Variants in MSI2 observed in about 807,000 individuals in gnomAD.
The protein encoded by MSI2 is RNA-binding protein Musashi homolog 2.
Under a neutral mutation model 45.6 loss-of-function variants are expected in MSI2, and 17 were observed. The observed-to-expected ratio is 0.37, with a 90% CI of 0.26 to 0.56. The LOEUF (loss-of-function observed/expected upper bound fraction) is 0.56. Ranked by LOEUF, MSI2 falls within the 20% of genes least tolerant of loss-of-function variation. MSI2 has a pLI of 0.77. For synonymous variants in MSI2, 156 were observed against 158.2 expected (o/e 0.99, Z 0.11); for missense variants, 293 against 444.2 (o/e 0.66, Z 3.06).
At chr17:57,272,156 C>T (rs767038703) in intron 5 of MSI2, among the ~76,000 whole-genome samples, 15 of 152,142 alleles carry the variant, frequency 9.9e-5, no homozygotes, top group Non-Finnish European at 1.9e-4. Context: ...TGCATGCACA[C>T]GTTGTGTTTC....
At chr17:57,435,917 A>G (rs1374235758) in intron 6 of MSI2, among the ~76,000 whole-genome samples, 1 of 152,174 alleles carries the variant, frequency 6.6e-6, no homozygotes, top group Admixed American at 6.5e-5. Flanking sequence ...GATTTGCTCT[A>G]CTATACACAT....
At chr17:57,663,704 CCTT>C (rs755060139) in intron 11 of MSI2, among the ~76,000 whole-genome samples, 4 of 152,168 alleles carry the variant, frequency 2.6e-5, no homozygotes, top group Non-Finnish European at 4.4e-5. Flanking sequence ...TTTGCTGTGT[CCTT>C]CTGTGTTTTC....
At chr17:57,629,948 G>A (rs777232727) in intron 10 of MSI2, 1 of 152,296 alleles carries the variant, frequency 6.6e-6, no homozygotes, top group Non-Finnish European at 1.5e-5. Flanking sequence ...AATTGGGAGA[G>A]GACATCAATG....
chr17:57,574,696 G>A (rs1055728204), intron 7 of MSI2, among the ~76,000 whole-genome samples: 1 of 152,162 alleles, frequency 6.6e-6, no homozygotes, highest in African/African-American at 2.4e-5. Context: ...CTGAGTGTGG[G>A]TTCTGTCCTA....
intron 11 of MSI2, among the ~76,000 whole-genome samples, chr17:57,662,332 G>T (rs1304188446): frequency 6.6e-6 from 1 of 152,092 alleles, no homozygotes; most frequent in Non-Finnish European, 1.5e-5. Flanking sequence ...GTGGTCAATA[G>T]AATGCTAGAG....
At chr17:57,455,317 G>A (rs2085091970) in intron 6 of MSI2, among the ~76,000 whole-genome samples, 1 of 152,164 alleles carries the variant, frequency 6.6e-6, no homozygotes, top group Admixed American at 6.5e-5. Flanking sequence ...AGGGAGCTGT[G>A]GTCACAGTCG....
intron 5 of MSI2, among the ~76,000 whole-genome samples, chr17:57,386,026 C>G (rs2083680316): frequency 6.6e-6 from 1 of 152,116 alleles, no homozygotes; most frequent in African/African-American, 2.4e-5. Context: ...TGGCAGTTGT[C>G]CTAGAATCTA....
intron 5 of MSI2, among the ~76,000 whole-genome samples, chr17:57,289,217 C>G (rs1910188101): frequency 6.6e-6 from 1 of 152,182 alleles, no homozygotes; most frequent in African/African-American, 2.4e-5. Flanking sequence ...GCTGGTCTTC[C>G]CTTTTGGTTA....
chr17:57,287,887 A>T (rs1910066501), intron 5 of MSI2, among the ~76,000 whole-genome samples: 1 of 152,170 alleles, frequency 6.6e-6, no homozygotes, highest in African/African-American at 2.4e-5. Flanking sequence ...GACGAAACAG[A>T]TGTGGTCAGA....
In MSI2 at chr17:57,351,920, A is replaced by G. The variant is rs75966056; in HGVS notation, c.313-49459A>G. On this transcript the variant is annotated intron_variant, in intron 5 of 13. Transcript: ENST00000284073. The stretch of plus-strand genomic sequence containing the variant: ...CACACACAAAGTTTGTGTTCAGTGT[A>G]TACTTGATGGAATGAATGAATGGAT... Among the ~76,000 whole-genome samples, 1,008 of 152,366 alleles carry G rather than the reference A, an allele frequency of 6.6e-3. 14 individuals carry two copies. The highest frequency in any genetic ancestry group is 0.023 in the African/African-American group (941 of 41,580).
At chr17:57,613,928 C>A (rs919352041) in intron 8 of MSI2, among the ~76,000 whole-genome samples, 19 of 152,160 alleles carry the variant, frequency 1.2e-4, no homozygotes, top group African/African-American at 4.6e-4. Context: ...TGACTTATAT[C>A]TTAGGTAATT....
rs114551703 is a variant in MSI2 at position 57,488,387 on chromosome 17, T to C, written c.406-41289T>C. Among the ~76,000 whole-genome samples, 659 of 152,322 alleles carry C rather than the reference T, an allele frequency of 4.3e-3. 7 individuals are homozygous for C. The highest frequency in any genetic ancestry group is 0.015 in the African/African-American group (632 of 41,562). The stretch of plus-strand genomic sequence containing the variant: ...GGTCTTTTTTTCCTACTATATTATG[T>C]ATTTAAATACATAGACATATTTAAC... On this transcript the variant is annotated intron_variant, in intron 6 of 13. Transcript: ENST00000284073.
intron 5 of MSI2, among the ~76,000 whole-genome samples, chr17:57,307,849 A>T (rs1226821103): frequency 6.6e-6 from 1 of 152,158 alleles, no homozygotes. Context: ...GTCTCTGGAG[A>T]GTCCTGACTA....
At chr17:57,406,608 C>A (rs1015023565) in intron 6 of MSI2, among the ~76,000 whole-genome samples, 1 of 152,168 alleles carries the variant, frequency 6.6e-6, no homozygotes, top group Non-Finnish European at 1.5e-5. Context: ...AATTATACTT[C>A]ACATGGTGAA....
intron 5 of MSI2, among the ~76,000 whole-genome samples, chr17:57,321,093 G>C (rs1473871170): frequency 5.3e-5 from 8 of 151,588 alleles, no homozygotes; most frequent in African/African-American, 1.5e-4. Context: ...TTGGCGGTGG[G>C]GGGGATGGAT....
Position 57,529,134 on chromosome 17 carries a change from T to G in MSI2, c.406-542T>G, listed in dbSNP as rs1051965246. Among the ~76,000 whole-genome samples the G allele has an allele frequency of 6.6e-6, 1 of 152,178 alleles. No individual in the cohort carries two copies. Among genetic ancestry groups the G allele is most frequent in the Admixed American group, 6.5e-5 (1 of 15,276 alleles). On this transcript the variant is annotated intron_variant, in intron 6 of 13. Transcript: ENST00000284073. This position sits in a 1 kb window ranked among gnomAD's most constrained non-coding sequence, Gnocchi z 5.3. ...TGAAATAGTCATAGTTTTTTCTTTC[T>G]TTAGAAAAAAAATACTCCAGGCCTG...
Position 57,674,966 on chromosome 17 carries a change from C to T in MSI2, c.791-6C>T, listed in dbSNP as rs758834726. The stretch of plus-strand genomic sequence containing the variant: ...CCGAATTTTGGCGCGCCCGCTTCCC[C>T]GGCAGGCTCCAACCCGGCGCGGCCC... On this transcript the variant is annotated splice_region_variant and splice_polypyrimidine_tract_variant and intron_variant, in intron 11 of 13. Coordinates refer to ENST00000284073, the MANE Select transcript of MSI2 (RefSeq NM_138962.4). 1.7e-5 allele frequency: 28 copies of T among 1,613,038 alleles called. No individual in the cohort carries two copies. Among genetic ancestry groups the T allele is most frequent in the South Asian group, 2.2e-5 (2 of 90,954 alleles).
chr17:57,464,814 C>T (rs569600675), intron 6 of MSI2, among the ~76,000 whole-genome samples: 3 of 152,226 alleles, frequency 2.0e-5, no homozygotes, highest in African/African-American at 4.8e-5. Context: ...GGCCAGAAGA[C>T]GTCTGACCTT....
chr17:57,411,003 T>C (rs2084185583), intron 6 of MSI2, among the ~76,000 whole-genome samples: 1 of 152,194 alleles, frequency 6.6e-6, no homozygotes, highest in Non-Finnish European at 1.5e-5. Context: ...TTATTTATTT[T>C]ATTTTACTTA....
Sources: gnomAD v4.1 joint callset for allele counts (sites outside exome capture counted in the v4.1 genomes callset) on GRCh38, gnomAD v4.1.1 for gene constraint, Gnocchi (gnomAD v3.1) non-coding constraint, MANE v1.5 for transcripts, NCBI Gene and HGNC (gene_info 2026-07-23, HGNC 2026-07-21) for gene names.